The following CHL1 variants were observed in gnomAD, a reference collection of about 807,000 sequenced individuals.
The protein encoded by CHL1 is neural cell adhesion molecule L1-like protein.
CHL1 carries 96 observed loss-of-function variants against 141.9 expected under a neutral mutation model. That is an observed-to-expected ratio of 0.68 (90% CI 0.57 to 0.80). CHL1 has a LOEUF of 0.80. CHL1 is among the 30% of genes least tolerant of loss of function. The probability of loss-of-function intolerance (pLI) is 0.00; values close to 1 mark genes in which losing one functional copy is unlikely to be tolerated. For synonymous variants in CHL1, 613 were observed against 502.2 expected (o/e 1.22, Z -2.95); for missense variants, 1,820 against 1,457.2 (o/e 1.25, Z -4.05).
At chr3:380,336 G>A (rs923514777) in intron 16 of CHL1, among the ~76,000 whole-genome samples, 1 of 152,128 alleles carries the variant, frequency 6.6e-6, no homozygotes, top group Non-Finnish European at 1.5e-5. Flanking sequence ...AAATATTCAG[G>A]AGGAGCAATG....
chr3:397,379 A>T (rs1392795214), intron 24 of CHL1, among the ~76,000 whole-genome samples: 1 of 152,106 alleles, frequency 6.6e-6, no homozygotes, highest in Non-Finnish European at 1.5e-5. Flanking sequence ...ACATAATGAA[A>T]TATTGATCTG....
chr3:405,481 T>C lies in CHL1; in HGVS notation c.3459-14T>C, dbSNP rs1004071306. ...TAGATTTTGTTGAGCTATTTTTGTT[T>C]GTTTGTTTTCTAGTGACAGTGATGA... is the stretch of plus-strand genomic sequence containing the variant. On this transcript the variant is annotated splice_polypyrimidine_tract_variant and intron_variant, in intron 27 of 27. Transcript: ENST00000256509. 6.4e-7 allele frequency: 1 copy of C among 1,566,984 alleles called. No homozygotes were observed.
chr3:237,892 C>G (rs1484066444), intron 1 of CHL1, among the ~76,000 whole-genome samples: 1 of 152,160 alleles, frequency 6.6e-6, no homozygotes, highest in Non-Finnish European at 1.5e-5. Context: ...GGGGCTATTT[C>G]TATTTAGAAT....
At position 328,056 on chromosome 3, in the gene CHL1, A is replaced by G; in HGVS notation, c.198-111A>G. The G allele has an allele frequency of 4.0e-6, 3 of 746,228 alleles. No individual in the cohort carries two copies. In the South Asian group the frequency reaches 7.2e-5, roughly 18 times the overall value. The allele number at this position is 746,228 out of a possible 1,614,324, so 46.2% of individuals were successfully genotyped here. ...TCCTGTTATATTCCATTAAGTATAT[A>G]CTTTTTATCATAAAATGTCTTGGTT... On this transcript the variant is annotated intron_variant, in intron 4 of 27. Transcript: ENST00000256509.
chr3:327,165 A>G (rs528277117), intron 4 of CHL1, among the ~76,000 whole-genome samples: 1 of 151,990 alleles, frequency 6.6e-6, no homozygotes, highest in East Asian at 1.9e-4. Flanking sequence ...GGGTAGGCCT[A>G]CTCCTAATGA....
chr3:387,913 A>G (rs1317040745), intron 19 of CHL1, among the ~76,000 whole-genome samples: 2 of 152,126 alleles, frequency 1.3e-5, no homozygotes, highest in Non-Finnish European at 2.9e-5. Flanking sequence ...TATTTTGCTG[A>G]TATGTCACTA....
intron 2 of CHL1, among the ~76,000 whole-genome samples, chr3:318,561 G>T (rs1700312050): frequency 6.6e-6 from 1 of 151,346 alleles, no homozygotes; most frequent in African/African-American, 2.4e-5. Flanking sequence ...GTAAGAGAAA[G>T]TAAAAAAAAT....
Position 337,717 on chromosome 3 carries a change from A to G in CHL1, c.386-3077A>G, listed in dbSNP as rs945539469. The stretch of plus-strand genomic sequence containing the variant: ...GAACTCATCATTTTTATGGCTTCAT[A>G]GTATTCCATGGTGTATATGTGCCAC... On this transcript the variant is annotated intron_variant, in intron 5 of 27. Coordinates refer to ENST00000256509, the MANE Select transcript of CHL1 (RefSeq NM_006614.4). Among the ~76,000 whole-genome samples the G allele has an allele frequency of 5.3e-5, 8 of 152,300 alleles. No individual in the cohort carries two copies. In the East Asian group the frequency reaches 1.4e-3, roughly 26 times the overall value.
At chr3:266,000 G>A (rs1018068708) in intron 2 of CHL1, among the ~76,000 whole-genome samples, 15 of 152,196 alleles carry the variant, frequency 9.9e-5, no homozygotes, top group African/African-American at 1.9e-4. Flanking sequence ...AGTCTGTGTG[G>A]CTAACCCACT....
At position 342,990 on chromosome 3, in the gene CHL1, A is replaced by G. The variant is rs778020987; in HGVS notation, c.686A>G (p.His229Arg). The G allele has an allele frequency of 6.8e-6, 11 of 1,608,710 alleles. No homozygotes were observed. Among genetic ancestry groups the G allele is most frequent in the Non-Finnish European group, 5.1e-6 (6 of 1,178,078 alleles). Residue 229 changes from histidine (H) to arginine (R), a missense_variant, in exon 8 of 28, where the codon CAT becomes CGT. Coordinates refer to ENST00000256509, the MANE Select transcript of CHL1 (RefSeq NM_006614.4). ...TTCCGTTTTTTTATTTCAGTAAAGCATGCTAATGACTCAAGTTCATCCACA... is the reference window on the plus strand; with the variant it reads ...TTCCGTTTTTTTATTTCAGTAAAGCGTGCTAATGACTCAAGTTCATCCACA... ...PMKLTVNSLKHANDSSSSTEI... is the reference protein window; with the variant it reads ...PMKLTVNSLKRANDSSSSTEI...
At chr3:198,182 G>A in intron 1 of CHL1, 1 of 182,644 alleles carries the variant, frequency 5.5e-6, no homozygotes, top group Non-Finnish European at 1.2e-5. Context: ...GGGGTGGGAG[G>A]CCGGCGGCGG....
At chr3:400,927 G>A (rs1211618026) in intron 26 of CHL1, among the ~76,000 whole-genome samples, 1 of 100,464 alleles carries the variant, frequency 1.0e-5, no homozygotes, top group Admixed American at 1.5e-4. Flanking sequence ...TTTGAGACAA[G>A]GTCTTGTTCT....
chr3:202,593 C>G (rs917851040), intron 1 of CHL1, among the ~76,000 whole-genome samples: 33 of 152,252 alleles, frequency 2.2e-4, no homozygotes, highest in African/African-American at 7.7e-4. Flanking sequence ...TAGTGCGATT[C>G]TAACACGCCC....
chr3:312,469 C>T (rs1168933287), intron 2 of CHL1, among the ~76,000 whole-genome samples: 1 of 152,136 alleles, frequency 6.6e-6, no homozygotes, highest in Non-Finnish European at 1.5e-5. Flanking sequence ...TGGTATTAGC[C>T]AGGCAGGTGA....
In CHL1 at chr3:312,518, CCTT is replaced by C. The variant is rs369210149; in HGVS notation, c.-94-7162_-94-7160del. ...TTTTAATGTTTGTGTATGTGTTTAT[CCTT>C]CTCAGCTTCACAATGTTGAGTGATT... On this transcript the variant is annotated intron_variant, in intron 2 of 27. Coordinates refer to ENST00000256509, the MANE Select transcript of CHL1 (RefSeq NM_006614.4). Among the ~76,000 whole-genome samples, 786 of 152,290 alleles carry C rather than the reference CCTT, an allele frequency of 5.2e-3. 4 individuals carry two copies. The highest frequency in any genetic ancestry group is 0.017 in the Middle Eastern group (5 of 294).
chr3:354,154 A>C (rs1435723442), intron 10 of CHL1, among the ~76,000 whole-genome samples: 1 of 152,216 alleles, frequency 6.6e-6, no homozygotes, highest in East Asian at 1.9e-4. Flanking sequence ...TATAAATGCT[A>C]TAAGATCACT....
chr3:362,178 C>T lies in CHL1; in HGVS notation c.1418+368C>T, dbSNP rs147353503. 8.5e-5 allele frequency among the ~76,000 whole-genome samples: 13 copies of T among 152,234 alleles called. No individual in the cohort carries two copies. In the East Asian group the frequency reaches 2.5e-3, roughly 29 times the overall value. ...GATTATCTAAATGATTATCTAAGCTCGAATTTAATTCCAAATGCATGTGCT... is the reference window on the plus strand; with the variant it reads ...GATTATCTAAATGATTATCTAAGCTTGAATTTAATTCCAAATGCATGTGCT... On this transcript the variant is annotated intron_variant, in intron 13 of 27. Coordinates refer to ENST00000256509, the MANE Select transcript of CHL1 (RefSeq NM_006614.4).
At chr3:238,426 T>TA (rs67105351) in intron 1 of CHL1, among the ~76,000 whole-genome samples, 39 of 151,448 alleles carry the variant, frequency 2.6e-4, no homozygotes, top group African/African-American at 7.1e-4. Flanking sequence ...GGAAAAAAAA[T>TA]AAAAAAAATA....
At chr3:358,844 G>A (rs568606197) in intron 11 of CHL1, among the ~76,000 whole-genome samples, 242 of 151,878 alleles carry the variant, frequency 1.6e-3, no homozygotes, top group African/African-American at 5.3e-3. Flanking sequence ...AATCAGAAAA[G>A]TAGAATTCGA....
Sources: allele counts gnomAD v4.1 joint callset (sites outside exome capture counted in the v4.1 genomes callset), GRCh38; gene constraint gnomAD v4.1.1; transcripts MANE v1.5; gene names NCBI Gene and HGNC (gene_info 2026-07-23, HGNC 2026-07-21).